COL25A1: variants seen among roughly 807,000 people sequenced by gnomAD.
The protein encoded by COL25A1 is collagen alpha-1(XXV) chain.
COL25A1 carries 103 observed loss-of-function variants against 128.4 expected under a neutral mutation model. The observed-to-expected ratio is 0.80, with a 90% CI of 0.68 to 0.94. The LOEUF (loss-of-function observed/expected upper bound fraction) is 0.94. Ranked by LOEUF, COL25A1 falls within the 40% of genes least tolerant of loss-of-function variation. The pLI is 0.00. For synonymous variants in COL25A1, 279 were observed against 277.2 expected (o/e 1.01, Z -0.06); for missense variants, 745 against 840.0 (o/e 0.89, Z 1.40).
chr4:109,093,976 TGTCACAG>T (rs559829180), intron 3 of COL25A1, among the ~76,000 whole-genome samples: 1 of 152,174 alleles, frequency 6.6e-6, no homozygotes, highest in East Asian at 1.9e-4. Flanking sequence ...GACATTGTAA[TGTCACAG>T]GCCCTGTTTA....
At chr4:108,976,501 C>G (rs1035508371) in intron 6 of COL25A1, among the ~76,000 whole-genome samples, 1 of 152,202 alleles carries the variant, frequency 6.6e-6, no homozygotes, top group Non-Finnish European at 1.5e-5. Context: ...ATTCTAGAGG[C>G]ACTGATACAT....
chr4:109,107,648 T>A (rs1159143975), intron 3 of COL25A1, among the ~76,000 whole-genome samples: 1 of 152,156 alleles, frequency 6.6e-6, no homozygotes, highest in Non-Finnish European at 1.5e-5. Flanking sequence ...TGATTTTACA[T>A]AAAATAGACG....
At chr4:109,016,698 C>T (rs1054525142) in intron 5 of COL25A1, among the ~76,000 whole-genome samples, 17 of 152,178 alleles carry the variant, frequency 1.1e-4, no homozygotes, top group Admixed American at 1.1e-3. Flanking sequence ...GTCAGGATGA[C>T]CTGCCTGCAG....
At chr4:109,049,103 T>C (rs1355063747) in intron 4 of COL25A1, among the ~76,000 whole-genome samples, 2 of 152,236 alleles carry the variant, frequency 1.3e-5, no homozygotes, top group South Asian at 2.1e-4. Context: ...TACATCTTTC[T>C]TAAAATGGAA....
chr4:108,808,756 A>G lies in COL25A1; in HGVS notation c.*5171T>C, dbSNP rs1730570340. The G allele has an allele frequency of 1.3e-5, 2 of 152,206 alleles. No homozygotes were observed. The highest frequency in any genetic ancestry group is 4.1e-4 in the South Asian group (2 of 4,832). 9.4% of individuals were successfully genotyped at this position (152,206 alleles called of 1,614,324 possible). A position where few individuals can be genotyped will look rare whatever the true frequency, so the allele number is the denominator to read the frequency against. ...TGAACATCAATAAAGCTTTATAACAATACAATTCATTATCATTGTTTGGAT... is the reference window on the plus strand; with the variant it reads ...TGAACATCAATAAAGCTTTATAACAGTACAATTCATTATCATTGTTTGGAT... On this transcript the variant is annotated 3_prime_UTR_variant, in exon 38 of 38. Coordinates refer to ENST00000399132, the MANE Select transcript of COL25A1 (RefSeq NM_198721.4).
intron 11 of COL25A1, among the ~76,000 whole-genome samples, chr4:108,930,799 G>A (rs1394567132): frequency 6.6e-6 from 1 of 152,164 alleles, no homozygotes; most frequent in African/African-American, 2.4e-5. Flanking sequence ...ATATTTTACT[G>A]AACAGTTTTA....
At chr4:108,994,519 T>C (rs1267899447) in intron 6 of COL25A1, among the ~76,000 whole-genome samples, 4 of 152,202 alleles carry the variant, frequency 2.6e-5, no homozygotes. Context: ...CTATAGATTC[T>C]ACCTCTGTGG....
intron 19 of COL25A1, among the ~76,000 whole-genome samples, chr4:108,873,553 TA>T (rs1560785715): frequency 2.6e-5 from 3 of 114,552 alleles, no homozygotes; most frequent in Non-Finnish European, 5.6e-5. Context: ...GTAGTAGTAG[TA>T]GTAGTAGCAG....
chr4:108,838,003 C>A, intron 31 of COL25A1: 1 of 873,012 alleles, frequency 1.1e-6, no homozygotes, highest in Middle Eastern at 2.2e-4. Flanking sequence ...ACAGAAACCT[C>A]AACAGTACGA....
In COL25A1 at chr4:109,227,089, T is replaced by C. The variant is rs755540248; in HGVS notation, c.367+73494A>G. 6.1e-4 allele frequency among the ~76,000 whole-genome samples: 93 copies of C among 152,270 alleles called. No individual in the cohort carries two copies. The Middle Eastern group carries it at 0.01, about 17-fold the overall frequency. On this transcript the variant is annotated intron_variant, in intron 3 of 37. Transcript: ENST00000399132. ...AACTGTGACAGGTCACCACTACATA[T>C]GTAGTAAGAGTCAAGATCTTGAGAA...
At chr4:109,109,890 C>CA (rs1766835557) in intron 3 of COL25A1, among the ~76,000 whole-genome samples, 4 of 152,210 alleles carry the variant, frequency 2.6e-5, no homozygotes, top group Admixed American at 2.6e-4. Context: ...ACAGAGAAGA[C>CA]AGACACACAT....
intron 3 of COL25A1, among the ~76,000 whole-genome samples, chr4:109,291,746 C>A (rs1370409314): frequency 6.6e-6 from 1 of 151,846 alleles, no homozygotes; most frequent in South Asian, 2.1e-4. Context: ...ATTAAAAGAA[C>A]AAGAACAATA....
In COL25A1 at chr4:108,811,303, T is replaced by C. The variant is rs910289017; in HGVS notation, c.*2624A>G. ...CCTTTGTTTTTCCCAAGGAAATAAA[T>C]GTAATGAAAGTTTACAACCTCATTT... On this transcript the variant is annotated 3_prime_UTR_variant, in exon 38 of 38. Coordinates refer to ENST00000399132, the MANE Select transcript of COL25A1 (RefSeq NM_198721.4). 6.6e-5 allele frequency: 10 copies of C among 152,168 alleles called. No individual in the cohort carries two copies. The highest frequency in any genetic ancestry group is 3.4e-3 in the Middle Eastern group (1 of 294). The allele number at this position is 152,168 out of a possible 1,614,324, so 9.4% of individuals were successfully genotyped here. A position where few individuals can be genotyped will look rare whatever the true frequency, so the allele number is the denominator to read the frequency against.
chr4:108,844,708 A>C (rs1734876255), intron 29 of COL25A1, 139 bp from the exon 30 acceptor site: 1 of 1,248,688 alleles, frequency 8.0e-7, no homozygotes, highest in Non-Finnish European at 1.1e-6. Context: ...GATGTGTTTG[A>C]TTCTCTAGAT....
chr4:109,039,483 C>T (rs985214044), intron 5 of COL25A1, among the ~76,000 whole-genome samples: 3 of 152,144 alleles, frequency 2.0e-5, no homozygotes, highest in Non-Finnish European at 2.9e-5. Context: ...CACACTACTT[C>T]GATTTTTCAC....
chr4:109,208,759 A>AT (rs1288397005), intron 3 of COL25A1, among the ~76,000 whole-genome samples: 1 of 152,092 alleles, frequency 6.6e-6, no homozygotes, highest in Non-Finnish European at 1.5e-5. Context: ...ACCAAGTTGA[A>AT]TTTTTTTAAT....
At chr4:109,151,368 T>C (rs564535224) in intron 3 of COL25A1, among the ~76,000 whole-genome samples, 2 of 152,226 alleles carry the variant, frequency 1.3e-5, no homozygotes, top group East Asian at 3.9e-4. Flanking sequence ...TAGCATTCTC[T>C]TAACTCTCCC....
intron 31 of COL25A1, among the ~76,000 whole-genome samples, chr4:108,838,909 T>C (rs1734110552): frequency 1.3e-5 from 2 of 152,142 alleles, no homozygotes; most frequent in Admixed American, 1.3e-4. Context: ...AGGAATACAG[T>C]ATACCTATTT....
chr4:109,150,300 G>C (rs548517417), intron 3 of COL25A1, among the ~76,000 whole-genome samples: 1 of 152,158 alleles, frequency 6.6e-6, no homozygotes, highest in East Asian at 1.9e-4. Context: ...GAATCTATTA[G>C]GTTTCTTAAG....
Sources: allele counts gnomAD v4.1 joint callset (sites outside exome capture counted in the v4.1 genomes callset), GRCh38; gene constraint gnomAD v4.1.1; transcripts MANE v1.5; gene names NCBI Gene and HGNC (gene_info 2026-07-23, HGNC 2026-07-21).